PCLO: variants seen among roughly 807,000 people sequenced by gnomAD.
PCLO encodes the protein protein piccolo.
In PCLO, 82 loss-of-function variants were observed where a neutral mutation model predicts 427.5. That is an observed-to-expected ratio of 0.19 (90% confidence interval 0.16 to 0.23). The LOEUF (loss-of-function observed/expected upper bound fraction) is 0.23, where lower values mean the gene tolerates loss of function less well. Among genes scored for constraint, PCLO ranks in the 10% least tolerant of loss-of-function variants. The pLI, the probability that PCLO is intolerant of heterozygous loss-of-function variation, is 1.00. For synonymous variants in PCLO, 2,357 were observed against 2,155.4 expected, an observed-to-expected ratio of 1.09 and a Z score of -2.59; for missense variants, 6,239 against 6,115.9, an observed-to-expected ratio of 1.02 and a Z score of -0.67.
chr7:82,761,100 C>A (rs896449872), intron 23 of PCLO, among the ~76,000 whole-genome samples: 16 of 151,226 alleles, frequency 1.1e-4, no homozygotes, highest in African/African-American at 3.4e-4. Context: ...GCAGGAGCGA[C>A]CACACCTAAC....
rs1422325635 is a variant in PCLO, at chr7:83,162,490, T to G, written c.103A>C (p.Thr35Pro). 3.8e-6 allele frequency: 6 copies of G among 1,574,652 alleles called. No individual in the cohort carries two copies. ...GASGAGSPSH[T>P]AIPAGMEADL... Reference sequence around the variant, plus strand: ...GCCTCCATGCCGGCCGGGATCGCGGTGTGAGAGGGGCTCCCCGCCCCGCTA... The same window carrying G: ...GCCTCCATGCCGGCCGGGATCGCGGGGTGAGAGGGGCTCCCCGCCCCGCTA... Residue 35 changes from threonine (T) to proline (P), a missense_variant, in exon 1 of 25, where the codon ACC becomes CCC. Thr to Pro is a conservative substitution (Grantham distance 38, BLOSUM62 -1). Coordinates refer to ENST00000333891, the MANE Select transcript of PCLO (RefSeq NM_033026.6).
intron 3 of PCLO, among the ~76,000 whole-genome samples, chr7:83,093,492 A>ATATATATATATATTTTTTTTTTTT: frequency 3.4e-5 from 2 of 59,318 alleles, no homozygotes; most frequent in African/African-American, 1.1e-4. Flanking sequence ...ATATATATAT[A>ATATATATATATATTTTTTTTTTTT]TTTTTTTTTT....
intron 3 of PCLO, among the ~76,000 whole-genome samples, chr7:83,077,617 T>C (rs1394272067): frequency 6.6e-6 from 1 of 152,024 alleles, no homozygotes; most frequent in Non-Finnish European, 1.5e-5. Context: ...ATTTTAGTAA[T>C]AAAGGCAATC....
chr7:82,935,076 C>A (rs1265789153), intron 6 of PCLO, among the ~76,000 whole-genome samples: 1 of 150,160 alleles, frequency 6.7e-6, no homozygotes, highest in Non-Finnish European at 1.5e-5. Context: ...AAGCTAAATG[C>A]CTTTCCTAAA....
At chr7:82,926,152 G>A (rs959209222) in intron 6 of PCLO, among the ~76,000 whole-genome samples, 14 of 152,126 alleles carry the variant, frequency 9.2e-5, no homozygotes, top group Non-Finnish European at 1.5e-5. Flanking sequence ...CATTGCAATA[G>A]GGCACAGTGT....
At chr7:82,928,056 A>G (rs1429866708) in intron 6 of PCLO, among the ~76,000 whole-genome samples, 1 of 152,188 alleles carries the variant, frequency 6.6e-6, no homozygotes, top group Admixed American at 6.5e-5. Flanking sequence ...TATTTCAGTT[A>G]GCATAATACT....
chr7:82,955,082 A>G lies in PCLO; in HGVS notation c.5871T>C (p.Tyr1957=). 6.2e-7 allele frequency: 1 copy of G among 1,613,802 alleles called. No individual in the cohort carries two copies. The highest frequency in any genetic ancestry group is 8.5e-7 in the Non-Finnish European group (1 of 1,179,864). ...YGGMLIEDYI[Y]ESLVEDTYNG... is the part of the protein sequence containing the mutation. ...TGTACGTGTCTTCTACTAAAGATTC[A>G]TAAATATAATCCTCTATTAGCATCC... is the stretch of plus-strand genomic sequence containing the variant. Residue 1957 remains tyrosine, a synonymous_variant, in exon 5 of 25, where the codon TAT becomes TAC. Transcript: ENST00000333891.
Position 82,953,711 on chromosome 7 carries a change from AGGAGGG to A in PCLO, c.7236_7241del (p.Pro2425_Pro2426del), listed in dbSNP as rs749820836. The A allele has an allele frequency of 1.3e-5, 6 of 454,536 alleles. No homozygotes were observed. The highest frequency in any genetic ancestry group is 1.8e-5 in the Non-Finnish European group (5 of 284,300). 28.2% of individuals were successfully genotyped at this position (454,536 alleles called of 1,614,324 possible). On this transcript the variant is annotated inframe_deletion, in exon 5 of 25. Coordinates refer to ENST00000333891, the MANE Select transcript of PCLO (RefSeq NM_033026.6). ...GAGGGGGTGGTGGTGGAGGAGGAGG[AGGAGGG>A]GGAGGGGGAGGAGGGGGAGGAGGTT...
intron 3 of PCLO, among the ~76,000 whole-genome samples, chr7:82,979,005 A>G (rs1042924851): frequency 6.6e-6 from 1 of 152,176 alleles, no homozygotes; most frequent in Non-Finnish European, 1.5e-5. Context: ...TATCAGTTAT[A>G]GAATTTAGGC....
intron 10 of PCLO, among the ~76,000 whole-genome samples, chr7:82,851,911 T>C (rs1792668636): frequency 6.6e-6 from 1 of 152,166 alleles, no homozygotes; most frequent in South Asian, 2.1e-4. Context: ...TGTTAATGTA[T>C]GAGAAAGACA....
chr7:82,758,515 C>CTA lies in PCLO; in HGVS notation c.*58_*59dup. On this transcript the variant is annotated 3_prime_UTR_variant, in exon 25 of 25. Transcript: ENST00000333891. ...CTTAGCTTTGTACAATAGTATTCAA[C>CTA]TATAGTCTTGATGTGAGGCTATTTA... 1 of 1,448,344 alleles carries CTA rather than the reference C, an allele frequency of 6.9e-7. No homozygotes were observed. Among genetic ancestry groups the CTA allele is most frequent in the Non-Finnish European group, 9.4e-7 (1 of 1,058,660 alleles). The allele number at this position is 1,448,344 out of a possible 1,614,324, so 89.7% of individuals were successfully genotyped here.
rs10261149 is a variant in PCLO, at chr7:83,122,577, C to T, written c.3300+11673G>A. 8.1e-3 allele frequency among the ~76,000 whole-genome samples: 1,240 copies of T among 152,168 alleles called. 16 individuals are homozygous for T. The highest frequency in any genetic ancestry group is 0.028 in the African/African-American group (1,170 of 41,534). On this transcript the variant is annotated intron_variant, in intron 3 of 24. Transcript: ENST00000333891. ...CTGGGATTACAGTGGTGAGCCACTG[C>T]GCCTGGCCTAGGATGCCCACTTTCA... is the stretch of plus-strand genomic sequence containing the variant.
chr7:83,055,994 G>A (rs1251551388), intron 3 of PCLO, among the ~76,000 whole-genome samples: 2 of 151,984 alleles, frequency 1.3e-5, no homozygotes, highest in Non-Finnish European at 2.9e-5. Flanking sequence ...GAACCAGGGT[G>A]CAACCTAATT....
Position 82,914,862 on chromosome 7 carries a change from C to T in PCLO, c.13124G>A (p.Arg4375Lys). Residue 4375 changes from arginine (R) to lysine (K), a missense_variant, in exon 7 of 25, where the codon AGG becomes AAG. Coordinates refer to ENST00000333891, the MANE Select transcript of PCLO (RefSeq NM_033026.6). ...TGGTGGCAGGGGTCCAGCTGCAGCC[C>T]TGGCCATTCCCATTGGCTGGCCAAC... ...SPVGQPMGMA[R>K]AAAGPLPPIS... The T allele has an allele frequency of 6.2e-7, 1 of 1,613,584 alleles. No homozygotes were observed.
intron 13 of PCLO, among the ~76,000 whole-genome samples, chr7:82,842,346 G>C (rs1176319811): frequency 5.9e-5 from 9 of 151,878 alleles, no homozygotes; most frequent in Admixed American, 5.9e-4. Context: ...ACATGCAGAG[G>C]AATAAACTTA....
intron 22 of PCLO, among the ~76,000 whole-genome samples, chr7:82,785,340 C>A (rs2129468244): frequency 6.6e-6 from 1 of 152,196 alleles, no homozygotes; most frequent in South Asian, 2.1e-4. Context: ...TGACAGGACG[C>A]AGAACTCAGG....
At chr7:82,980,628 A>G (rs1796125465) in intron 3 of PCLO, among the ~76,000 whole-genome samples, 1 of 152,146 alleles carries the variant, frequency 6.6e-6, no homozygotes, top group Non-Finnish European at 1.5e-5. Context: ...TCCATTTAGC[A>G]TGGAACTTCC....
At chr7:82,940,195 T>C (rs1795047440) in intron 6 of PCLO, among the ~76,000 whole-genome samples, 1 of 152,170 alleles carries the variant, frequency 6.6e-6, no homozygotes, top group South Asian at 2.1e-4. Context: ...TGAGCATTTA[T>C]AGGCTCGACT....
intron 21 of PCLO, among the ~76,000 whole-genome samples, chr7:82,804,509 A>C (rs1197494514): frequency 1.3e-5 from 2 of 152,182 alleles, no homozygotes; most frequent in Non-Finnish European, 2.9e-5. Context: ...AAACAAAGAG[A>C]AATAGACAAT....
Sources: gnomAD v4.1 joint callset for allele counts (sites outside exome capture counted in the v4.1 genomes callset) on GRCh38, gnomAD v4.1.1 for gene constraint, MANE v1.5 for transcripts, NCBI Gene and HGNC (gene_info 2026-07-23, HGNC 2026-07-21) for gene names.